EPHA7: variants seen among roughly 807,000 people sequenced by gnomAD.
The protein encoded by EPHA7 is EPH receptor A7.
Under a neutral mutation model 112.6 loss-of-function variants are expected in EPHA7, and 25 were observed. The ratio of observed to expected loss-of-function variants is 0.22; its 90% CI spans 0.16 to 0.31. EPHA7 has a LOEUF of 0.31. Ranked by LOEUF, EPHA7 falls within the 10% of genes least tolerant of loss-of-function variation. EPHA7 has a pLI of 1.00. For missense variants in EPHA7, 962 were observed against 1,212.6 expected (o/e 0.79, Z 3.07); for synonymous variants, 437 against 406.5 (o/e 1.07, Z -0.90).
At chr6:93,384,374 C>T (rs606645) in intron 3 of EPHA7, among the ~76,000 whole-genome samples, 18,753 of 152,084 alleles carry the variant, frequency 0.12, 1,621 homozygotes, top group African/African-American at 0.24. Flanking sequence ...ACTTTAACTT[C>T]CCTTAAAGTT....
At chr6:93,308,324 G>T (rs928308422) in intron 5 of EPHA7, among the ~76,000 whole-genome samples, 19 of 152,084 alleles carry the variant, frequency 1.2e-4, no homozygotes, top group Non-Finnish European at 7.4e-5. Flanking sequence ...CTGTAGAATA[G>T]ATTACATTAT....
chr6:93,291,353 TTTG>T (rs1472401192), intron 5 of EPHA7, among the ~76,000 whole-genome samples: 1 of 152,228 alleles, frequency 6.6e-6, no homozygotes, highest in Non-Finnish European at 1.5e-5. Flanking sequence ...TTTTACGGTT[TTTG>T]TTTTTTTAGT....
At chr6:93,326,608 T>C (rs1678981962) in intron 5 of EPHA7, among the ~76,000 whole-genome samples, 2 of 151,504 alleles carry the variant, frequency 1.3e-5, no homozygotes, top group South Asian at 4.1e-4. Context: ...GTCTCTCCTC[T>C]TCATTGTTTT....
chr6:93,389,412 C>A (rs1056234090), intron 3 of EPHA7, among the ~76,000 whole-genome samples: 2 of 152,016 alleles, frequency 1.3e-5, no homozygotes, highest in Admixed American at 6.6e-5. Context: ...TTTCACACAG[C>A]TAATCACGTG....
chr6:93,349,864 A>C (rs1775604092), intron 5 of EPHA7, among the ~76,000 whole-genome samples: 1 of 151,938 alleles, frequency 6.6e-6, no homozygotes, highest in Non-Finnish European at 1.5e-5. Context: ...AAACAGTCAC[A>C]GTTGAGTCAC....
chr6:93,386,832 T>C (rs1251936070), intron 3 of EPHA7, among the ~76,000 whole-genome samples: 1 of 152,080 alleles, frequency 6.6e-6, no homozygotes, highest in Non-Finnish European at 1.5e-5. Flanking sequence ...TCCAAAGCTA[T>C]GGTCTGAGCT....
intron 5 of EPHA7, among the ~76,000 whole-genome samples, chr6:93,317,735 C>T (rs1184545567): frequency 6.6e-6 from 1 of 152,100 alleles, no homozygotes; most frequent in Non-Finnish European, 1.5e-5. Flanking sequence ...ACCTCCAACC[C>T]CTTCAGCTGT....
At chr6:93,407,046 T>C (rs923344862) in intron 3 of EPHA7, among the ~76,000 whole-genome samples, 5 of 151,998 alleles carry the variant, frequency 3.3e-5, no homozygotes, top group African/African-American at 9.7e-5. Flanking sequence ...TGTTTAAGAA[T>C]TGGACAGAAG....
At chr6:93,287,581 T>C (rs1313201896) in intron 5 of EPHA7, among the ~76,000 whole-genome samples, 1 of 151,790 alleles carries the variant, frequency 6.6e-6, no homozygotes, top group Non-Finnish European at 1.5e-5. Flanking sequence ...AGGTATGTTA[T>C]ATAGGTAAAC....
intron 5 of EPHA7, among the ~76,000 whole-genome samples, chr6:93,295,764 T>C (rs1357762940): frequency 1.3e-5 from 2 of 151,834 alleles, no homozygotes; most frequent in Non-Finnish European, 2.9e-5. Flanking sequence ...TTTTGTCACC[T>C]CTGTTATATA....
intron 6 of EPHA7, 60 bp from the exon 7 acceptor site, chr6:93,269,720 C>A: frequency 7.6e-7 from 1 of 1,314,370 alleles, no homozygotes; most frequent in Non-Finnish European, 1.0e-6. Flanking sequence ...ATTTGACAGC[C>A]AACTGTTTCA....
At chr6:93,347,920 C>A (rs760147594) in intron 5 of EPHA7, among the ~76,000 whole-genome samples, 2 of 151,620 alleles carry the variant, frequency 1.3e-5, no homozygotes, top group Non-Finnish European at 2.9e-5. Flanking sequence ...TCATTATTTA[C>A]AAAGTAGCAA....
intron 5 of EPHA7, among the ~76,000 whole-genome samples, chr6:93,288,836 A>G (rs1772206525): frequency 6.6e-6 from 1 of 152,200 alleles, no homozygotes; most frequent in African/African-American, 2.4e-5. Flanking sequence ...TTCTAGTGGA[A>G]TTAGCAAATA....
At position 93,419,226 on chromosome 6, in the gene EPHA7, T is replaced by C. The variant is rs778272540; in HGVS notation, c.97+19A>G. ...TAAATAAATAAGTCAGAACAAACTT[T>C]GCTTTCCCATCACCTTACCTTCCTT... On this transcript the variant is annotated intron_variant, in intron 1 of 16. Coordinates refer to ENST00000369303, the MANE Select transcript of EPHA7 (RefSeq NM_004440.4). 1.2e-5 allele frequency: 20 copies of C among 1,601,548 alleles called. No homozygotes were observed. Among genetic ancestry groups the C allele is most frequent in the East Asian group, 2.2e-5 (1 of 44,456 alleles).
At chr6:93,246,742 T>A in intron 15 of EPHA7, 50 bp downstream of exon 15, 1 of 1,491,384 alleles carries the variant, frequency 6.7e-7, no homozygotes, top group South Asian at 1.2e-5. Context: ...AAATGGTTTA[T>A]GTTACTATTG....
At chr6:93,278,242 A>G (rs1465816770) in intron 5 of EPHA7, among the ~76,000 whole-genome samples, 1 of 152,102 alleles carries the variant, frequency 6.6e-6, no homozygotes, top group Non-Finnish European at 1.5e-5. Context: ...GTTGCTAAAC[A>G]CATACTAGGA....
At chr6:93,280,603 T>C (rs924239727) in intron 5 of EPHA7, among the ~76,000 whole-genome samples, 5 of 152,122 alleles carry the variant, frequency 3.3e-5, no homozygotes, top group Non-Finnish European at 4.4e-5. Flanking sequence ...CAGTAGAGTA[T>C]AGGAATGAAG....
chr6:93,413,127 T>C (rs1779056705), intron 2 of EPHA7, among the ~76,000 whole-genome samples: 1 of 151,958 alleles, frequency 6.6e-6, no homozygotes, highest in Admixed American at 6.5e-5. Flanking sequence ...TGCATTTTTA[T>C]AGTACGTTTA....
chr6:93,266,065 G>T (rs967607549), intron 7 of EPHA7, among the ~76,000 whole-genome samples: 1 of 151,588 alleles, frequency 6.6e-6, no homozygotes, highest in African/African-American at 2.4e-5. Context: ...ATTGCTCCCT[G>T]AGGGAACTTA....
Sources: gnomAD v4.1 joint callset for allele counts (sites outside exome capture counted in the v4.1 genomes callset) on GRCh38, gnomAD v4.1.1 for gene constraint, MANE v1.5 for transcripts, NCBI Gene and HGNC (gene_info 2026-07-23, HGNC 2026-07-21) for gene names.